Variants in PPFIBP2 observed in about 807,000 individuals in gnomAD.
The protein encoded by PPFIBP2 is liprin-beta-2.
Under a neutral mutation model 118.3 loss-of-function variants are expected in PPFIBP2, and 118 were observed. The ratio of observed to expected loss-of-function variants is 1.00; its 90% CI spans 0.86 to 1.16. The LOEUF is 1.16. PPFIBP2 is among the 50% of genes most tolerant of loss of function. The probability of loss-of-function intolerance (pLI) is 0.00; values close to 1 mark genes in which losing one functional copy is unlikely to be tolerated. For synonymous variants in PPFIBP2, 414 were observed against 397.4 expected (o/e 1.04, Z -0.50); for missense variants, 1,195 against 1,073.1 (o/e 1.11, Z -1.59).
At chr11:7,607,175 G>T (rs1178503819) in intron 5 of PPFIBP2, among the ~76,000 whole-genome samples, 10 of 148,542 alleles carry the variant, frequency 6.7e-5, no homozygotes, top group African/African-American at 2.2e-4. Context: ...CTCCCAAAGT[G>T]CTGGGATTAC....
At chr11:7,515,342 A>C (rs1207086800) in intron 1 of PPFIBP2, among the ~76,000 whole-genome samples, 1 of 152,228 alleles carries the variant, frequency 6.6e-6, no homozygotes, top group Non-Finnish European at 1.5e-5. Context: ...GCTTATTGCT[A>C]CTGGAGAGAT....
At chr11:7,569,260 C>T (rs1855381490) in intron 3 of PPFIBP2, among the ~76,000 whole-genome samples, 1 of 152,220 alleles carries the variant, frequency 6.6e-6, no homozygotes, top group African/African-American at 2.4e-5. Context: ...GCTGGGCCAG[C>T]ACAGTTGGCA....
At chr11:7,589,450 G>T (rs1305930798) in intron 3 of PPFIBP2, among the ~76,000 whole-genome samples, 1 of 152,008 alleles carries the variant, frequency 6.6e-6, no homozygotes, top group Non-Finnish European at 1.5e-5. Context: ...AAAATTAGCT[G>T]GGCATGGTGG....
At chr11:7,611,743 C>T (rs377149631) in intron 6 of PPFIBP2, among the ~76,000 whole-genome samples, 1 of 152,196 alleles carries the variant, frequency 6.6e-6, no homozygotes, top group Admixed American at 6.5e-5. Context: ...GTATGTGGAA[C>T]CCTTAGCATA....
At position 7,598,099 on chromosome 11, in the gene PPFIBP2, T is replaced by C. The variant is rs897792084; in HGVS notation, c.486+426T>C. 1.7e-4 allele frequency: 26 copies of C among 155,974 alleles called. 1 individual carries two copies. The highest frequency in any genetic ancestry group is 5.8e-4 in the South Asian group (3 of 5,136). 9.7% of individuals were successfully genotyped at this position (155,974 alleles called of 1,614,324 possible). On this transcript the variant is annotated intron_variant, in intron 5 of 23. Transcript: ENST00000299492. The stretch of plus-strand genomic sequence containing the variant: ...TATAGTTTTTAAAATAAAAATATTA[T>C]ATAAATAACCTTTTAGTATAATTTA...
At chr11:7,637,714 G>T (rs1851632465) in intron 14 of PPFIBP2, among the ~76,000 whole-genome samples, 1 of 152,234 alleles carries the variant, frequency 6.6e-6, no homozygotes, top group Non-Finnish European at 1.5e-5. Context: ...GTCACGTCTT[G>T]ACATTGCACT....
At chr11:7,536,202 C>T (rs1181904282) in intron 1 of PPFIBP2, among the ~76,000 whole-genome samples, 1 of 152,120 alleles carries the variant, frequency 6.6e-6, no homozygotes, top group Non-Finnish European at 1.5e-5. Context: ...GCAGTCCAAC[C>T]CCAGCCTGGG....
chr11:7,526,229 G>A (rs1850211628), intron 1 of PPFIBP2, among the ~76,000 whole-genome samples: 1 of 152,182 alleles, frequency 6.6e-6, no homozygotes, highest in Admixed American at 6.5e-5. Context: ...TTTTGGCAAA[G>A]GGAAGGCTTT....
At chr11:7,634,618 A>G in intron 13 of PPFIBP2, 66 bp downstream of exon 13, 4 of 1,247,380 alleles carry the variant, frequency 3.2e-6, no homozygotes, top group Non-Finnish European at 4.7e-6. Context: ...TAGTACTGGG[A>G]TATACAGGCA....
intron 6 of PPFIBP2, among the ~76,000 whole-genome samples, chr11:7,617,917 C>CG (rs35349437): frequency 0.35 from 52,895 of 151,848 alleles, 9,555 homozygotes; most frequent in East Asian, 0.61. Flanking sequence ...GCTCTCCACA[C>CG]GGGGGTAACC....
chr11:7,557,512 GAC>G (rs1853776610), intron 2 of PPFIBP2, among the ~76,000 whole-genome samples: 1 of 117,222 alleles, frequency 8.5e-6, no homozygotes, highest in African/African-American at 3.4e-5. Context: ...TTTTTTTTGA[GAC>G]AGAGTCTTGC....
rs185178275 is a variant in PPFIBP2, at chr11:7,612,362, C to A, written c.618+1940C>A. Among the ~76,000 whole-genome samples, 14 of 152,160 alleles carry A rather than the reference C, an allele frequency of 9.2e-5. No individual in the cohort carries two copies. The East Asian group carries it at 1.9e-3, about 21-fold the overall frequency. On this transcript the variant is annotated intron_variant, in intron 6 of 23. Coordinates refer to ENST00000299492, the MANE Select transcript of PPFIBP2 (RefSeq NM_003621.5). ...TGCATCTCATTGGGCCACTTTGGGT[C>A]ATATACCTGGTTCTACACCAGTCAC...
chr11:7,632,873 C>T lies in PPFIBP2; in HGVS notation c.1075C>T (p.Pro359Ser). The T allele has an allele frequency of 6.2e-7, 1 of 1,613,610 alleles. No individual in the cohort carries two copies. Among genetic ancestry groups the T allele is most frequent in the Non-Finnish European group, 8.5e-7 (1 of 1,179,574 alleles). The change falls in exon 12 of 24, where the codon CCA (proline) becomes TCA (serine). Residue 359 changes from proline (P) to serine (S), a missense_variant. Transcript: ENST00000299492. ...PEELFKQEMPPRCSSPTVGPP... is the reference protein window; with the variant it reads ...PEELFKQEMPSRCSSPTVGPP... Reference sequence around the variant, plus strand: ...TCTTCTGTCTCTGGTGCAGATGCCTCCAAGATGTAGCTCTCCTACAGTGGG... The same window carrying T: ...TCTTCTGTCTCTGGTGCAGATGCCTTCAAGATGTAGCTCTCCTACAGTGGG...
intron 4 of PPFIBP2, chr11:7,597,185 G>A: frequency 2.0e-6 from 3 of 1,475,064 alleles, no homozygotes; most frequent in African/African-American, 1.4e-5. Flanking sequence ...TTCCACACGA[G>A]GTTGCAGAAG....
At position 7,648,794 on chromosome 11, in the gene PPFIBP2, T is replaced by C; in HGVS notation, c.1798-6T>C. The C allele has an allele frequency of 6.2e-7, 1 of 1,613,308 alleles. No homozygotes were observed. The highest frequency in any genetic ancestry group is 1.3e-5 in the African/African-American group (1 of 75,034). On this transcript the variant is annotated splice_region_variant and splice_polypyrimidine_tract_variant and intron_variant, in intron 18 of 23. Coordinates refer to ENST00000299492, the MANE Select transcript of PPFIBP2 (RefSeq NM_003621.5). ...TTCACATGTGGTCTTCATCTTTTAATTTCAGGAGCTAGGAATTAAGCACCC... is the reference window on the plus strand; with the variant it reads ...TTCACATGTGGTCTTCATCTTTTAACTTCAGGAGCTAGGAATTAAGCACCC...
At chr11:7,611,596 C>T (rs1848075351) in intron 6 of PPFIBP2, among the ~76,000 whole-genome samples, 1 of 152,210 alleles carries the variant, frequency 6.6e-6, no homozygotes, top group African/African-American at 2.4e-5. Context: ...TGAATCAGAT[C>T]TCCTGGCTTT....
At chr11:7,522,359 G>C (rs1251520265) in intron 1 of PPFIBP2, among the ~76,000 whole-genome samples, 1 of 152,210 alleles carries the variant, frequency 6.6e-6, no homozygotes, top group African/African-American at 2.4e-5. Context: ...CTTAGTGGAA[G>C]GGGGAAGGGA....
At chr11:7,554,601 G>C in intron 2 of PPFIBP2, among the ~76,000 whole-genome samples, 1 of 152,164 alleles carries the variant, frequency 6.6e-6, no homozygotes, top group East Asian at 1.9e-4. Flanking sequence ...TAATGCGCAA[G>C]TGGTAAATAT....
At chr11:7,525,110 C>G (rs947711460) in intron 1 of PPFIBP2, among the ~76,000 whole-genome samples, 22 of 152,164 alleles carry the variant, frequency 1.4e-4, no homozygotes, top group African/African-American at 5.3e-4. Context: ...CCCCCTCATT[C>G]TATCATGGCA....
Sources: allele counts gnomAD v4.1 joint callset (sites outside exome capture counted in the v4.1 genomes callset), GRCh38; gene constraint gnomAD v4.1.1; transcripts MANE v1.5; gene names NCBI Gene and HGNC (gene_info 2026-07-23, HGNC 2026-07-21).